Variants in TGFBR3 observed in about 807,000 individuals in gnomAD.
TGFBR3 encodes transforming growth factor beta receptor type 3.
Under a neutral mutation model 87.9 loss-of-function variants are expected in TGFBR3, and 46 were observed. That is an observed-to-expected ratio of 0.52 (90% CI 0.41 to 0.67). TGFBR3 has a LOEUF of 0.67. Ranked by LOEUF, TGFBR3 falls within the 30% of genes least tolerant of loss-of-function variation. The pLI is 0.00. For synonymous variants in TGFBR3, 381 were observed against 391.6 expected (o/e 0.97, Z 0.32); for missense variants, 866 against 1,041.9 (o/e 0.83, Z 2.32).
At chr1:91,861,950 G>A (rs1678217751) in intron 1 of TGFBR3, 2 of 239,868 alleles carry the variant, frequency 8.3e-6, no homozygotes, top group Non-Finnish European at 1.6e-5. Context: ...CCGCCTCCTG[G>A]GTTCAAGCGA....
chr1:91,725,751 A>G (rs1215140044), intron 7 of TGFBR3, among the ~76,000 whole-genome samples: 1 of 152,254 alleles, frequency 6.6e-6, no homozygotes, highest in African/African-American at 2.4e-5. Context: ...TACTAGGAGT[A>G]GTAATTGGAA....
intron 2 of TGFBR3, among the ~76,000 whole-genome samples, chr1:91,828,583 C>T (rs1430015163): frequency 2.0e-5 from 3 of 152,164 alleles, no homozygotes; most frequent in Admixed American, 6.5e-5. Flanking sequence ...CAGCCACCCC[C>T]GAAACTGTAG....
intron 1 of TGFBR3, among the ~76,000 whole-genome samples, chr1:91,869,460 T>C (rs953232246): frequency 1.4e-4 from 21 of 151,934 alleles, no homozygotes; most frequent in Non-Finnish European, 2.8e-4. Context: ...AGGTCAGGAG[T>C]TCCAGACCAA....
At chr1:91,723,166 A>G (rs182531844) in intron 7 of TGFBR3, among the ~76,000 whole-genome samples, 20 of 152,324 alleles carry the variant, frequency 1.3e-4, no homozygotes, top group Admixed American at 1.0e-3. Flanking sequence ...TGTTTTATCC[A>G]GTAATACAAG....
chr1:91,831,465 C>T (rs979719726), intron 2 of TGFBR3, among the ~76,000 whole-genome samples: 1 of 152,168 alleles, frequency 6.6e-6, no homozygotes, highest in Non-Finnish European at 1.5e-5. Context: ...GAAACATATG[C>T]TTCTGTCTTT....
Position 91,734,924 on chromosome 1 carries a change from T to A in TGFBR3, c.420A>T (p.Ala140=), listed in dbSNP as rs150238777. 1.4e-5 allele frequency: 22 copies of A among 1,614,080 alleles called. No homozygotes were observed. The Admixed American group carries it at 3.7e-4, about 27-fold the overall frequency. The change falls in exon 5 of 17, where the codon GCA becomes GCT. Residue 140 remains alanine, a synonymous_variant. Transcript: ENST00000212355. ...SEGSVVQFSS[A]NFSLTAETEE... is the part of the protein sequence containing the mutation. ...CTGTTTCTGCTGTCAAGGAGAAGTTTGCTGATGAAAACTGGACCACAGAAC... is the reference window on the plus strand; with the variant it reads ...CTGTTTCTGCTGTCAAGGAGAAGTTAGCTGATGAAAACTGGACCACAGAAC...
chr1:91,748,477 C>A (rs1673422965), intron 4 of TGFBR3, among the ~76,000 whole-genome samples: 2 of 152,126 alleles, frequency 1.3e-5, no homozygotes, highest in Non-Finnish European at 1.5e-5. Context: ...AAGTGAAATA[C>A]TGATATGATC....
chr1:91,720,442 G>A (rs745342718), intron 8 of TGFBR3, among the ~76,000 whole-genome samples: 16 of 152,208 alleles, frequency 1.1e-4, no homozygotes, highest in Admixed American at 3.3e-4. Context: ...CAAGCGGCTT[G>A]CTTCTCTGTG....
chr1:91,803,415 C>T (rs1277169915), intron 2 of TGFBR3, among the ~76,000 whole-genome samples: 1 of 152,158 alleles, frequency 6.6e-6, no homozygotes, highest in African/African-American at 2.4e-5. Context: ...GTGGATGTAA[C>T]AGGCAGCACT....
At chr1:91,853,437 G>A (rs947835546) in intron 2 of TGFBR3, among the ~76,000 whole-genome samples, 12 of 151,880 alleles carry the variant, frequency 7.9e-5, no homozygotes, top group African/African-American at 2.7e-4. Context: ...TTGATCACTC[G>A]TTTGGCAGAC....
At chr1:91,720,437 G>A (rs17882250) in intron 8 of TGFBR3, among the ~76,000 whole-genome samples, 56 of 152,178 alleles carry the variant, frequency 3.7e-4, no homozygotes, top group Non-Finnish European at 6.3e-4. Context: ...TTAGGCAAGC[G>A]GCTTGCTTCT....
Position 91,719,886 on chromosome 1 carries a change from C to T in TGFBR3, c.1413+7G>A. ...CTCTCTTCCCTCCTGTAATCAGCTG[C>T]ACCGACCTGAAAAGAATCTTTTTCT... On this transcript the variant is annotated splice_region_variant and intron_variant, in intron 9 of 16. Transcript: ENST00000212355. The T allele has an allele frequency of 3.7e-6, 6 of 1,614,068 alleles. No homozygotes were observed. Among genetic ancestry groups the T allele is most frequent in the Non-Finnish European group, 5.1e-6 (6 of 1,179,944 alleles).
intron 2 of TGFBR3, among the ~76,000 whole-genome samples, chr1:91,840,047 C>T (rs923719372): frequency 2.6e-5 from 4 of 152,006 alleles, no homozygotes; most frequent in East Asian, 1.9e-4. Context: ...CGGTGGCTCA[C>T]GCCTGTAATC....
intron 3 of TGFBR3, among the ~76,000 whole-genome samples, chr1:91,785,596 G>A (rs917055536): frequency 6.6e-6 from 1 of 152,104 alleles, no homozygotes; most frequent in Non-Finnish European, 1.5e-5. Flanking sequence ...CACCGTGTAG[G>A]TGAAGAACTT....
chr1:91,872,673 C>T (rs1678627750), intron 1 of TGFBR3, among the ~76,000 whole-genome samples: 1 of 152,134 alleles, frequency 6.6e-6, no homozygotes. Flanking sequence ...GCCCTGTTTC[C>T]CCCTGCCCTC....
At chr1:91,733,469 C>T (rs909581588) in intron 5 of TGFBR3, among the ~76,000 whole-genome samples, 1 of 152,212 alleles carries the variant, frequency 6.6e-6, no homozygotes, top group Non-Finnish European at 1.5e-5. Flanking sequence ...CCGACGTCCA[C>T]GTCCACCTTT....
intron 4 of TGFBR3, among the ~76,000 whole-genome samples, chr1:91,745,308 G>A (rs759780658): frequency 5.6e-4 from 85 of 152,240 alleles, no homozygotes; most frequent in Admixed American, 1.2e-3. Context: ...GCCTGCTTAG[G>A]AAAATAGAAA....
intron 4 of TGFBR3, among the ~76,000 whole-genome samples, chr1:91,739,365 C>T (rs1307712353): frequency 6.6e-6 from 1 of 152,134 alleles, no homozygotes; most frequent in African/African-American, 2.4e-5. Context: ...TCTATCCTAT[C>T]CTTATACCCA....
At chr1:91,762,449 G>A (rs1469484099) in intron 3 of TGFBR3, among the ~76,000 whole-genome samples, 6 of 152,142 alleles carry the variant, frequency 3.9e-5, no homozygotes, top group East Asian at 1.9e-4. Flanking sequence ...AAATTACACC[G>A]CTGGTCTTAA....
Sources: gnomAD v4.1 joint callset for allele counts (sites outside exome capture counted in the v4.1 genomes callset) on GRCh38, gnomAD v4.1.1 for gene constraint, MANE v1.5 for transcripts, NCBI Gene and HGNC (gene_info 2026-07-23, HGNC 2026-07-21) for gene names.